Variants in ITPR1 observed in about 807,000 individuals in gnomAD.
ITPR1 encodes inositol 1,4,5-trisphosphate-gated calcium channel ITPR1.
Under a neutral mutation model 318.4 loss-of-function variants are expected in ITPR1, and 96 were observed. The ratio of observed to expected loss-of-function variants is 0.30; its 90% CI spans 0.26 to 0.36. The LOEUF (loss-of-function observed/expected upper bound fraction) is 0.36. Ranked by LOEUF, ITPR1 falls within the 10% of genes least tolerant of loss-of-function variation. The pLI is 1.00. For missense variants in ITPR1, 2,440 were observed against 3,460.2 expected (o/e 0.71, Z 7.40); for synonymous variants, 1,312 against 1,289.9 (o/e 1.02, Z -0.37).
chr3:4,753,240 G>A (rs2044683506), intron 44 of ITPR1, among the ~76,000 whole-genome samples: 1 of 152,110 alleles, frequency 6.6e-6, no homozygotes, highest in African/African-American at 2.4e-5. Flanking sequence ...TGATGGGCTT[G>A]TCATCAAGTC....
chr3:4,516,777 C>A (rs909854175), intron 3 of ITPR1, among the ~76,000 whole-genome samples, 194 bp downstream of exon 3: 3 of 152,190 alleles, frequency 2.0e-5, no homozygotes, highest in African/African-American at 7.2e-5. Flanking sequence ...CTGTATATTT[C>A]TGAAAGAGCA....
intron 44 of ITPR1, among the ~76,000 whole-genome samples, chr3:4,762,366 G>A (rs1273420917): frequency 1.3e-5 from 2 of 152,160 alleles, no homozygotes; most frequent in East Asian, 1.9e-4. Flanking sequence ...CATGAAGTAC[G>A]ATTATTGCCC....
intron 60 of ITPR1, among the ~76,000 whole-genome samples, chr3:4,834,776 C>T (rs2050773339): frequency 6.6e-6 from 1 of 152,170 alleles, no homozygotes; most frequent in Non-Finnish European, 1.5e-5. Flanking sequence ...GGTTTCTCAG[C>T]TAGTCATCTC....
intron 4 of ITPR1, among the ~76,000 whole-genome samples, chr3:4,568,846 G>C (rs995584051): frequency 5.3e-5 from 8 of 152,132 alleles, no homozygotes; most frequent in Non-Finnish European, 1.2e-4. Flanking sequence ...AATTTATAAA[G>C]AAAAGAGGTT....
chr3:4,630,890 T>G (rs1001070726), intron 5 of ITPR1, among the ~76,000 whole-genome samples: 1 of 152,184 alleles, frequency 6.6e-6, no homozygotes, highest in Non-Finnish European at 1.5e-5. Flanking sequence ...CTCAGCCCTG[T>G]CAGCATTATT....
intron 28 of ITPR1, 41 bp from the exon 29 acceptor site, chr3:4,684,240 A>G: frequency 1.5e-6 from 2 of 1,370,060 alleles, no homozygotes; most frequent in Non-Finnish European, 2.1e-6. Context: ...CAGTAGCCCA[A>G]GAGTTGTACA....
intron 52 of ITPR1, among the ~76,000 whole-genome samples, chr3:4,788,581 A>T (rs1037762951): frequency 1.3e-5 from 2 of 152,118 alleles, no homozygotes; most frequent in South Asian, 4.1e-4. Flanking sequence ...TGGATTTTAG[A>T]CTAAATCGTT....
chr3:4,542,230 A>G (rs556877556), intron 4 of ITPR1, among the ~76,000 whole-genome samples: 147 of 152,240 alleles, frequency 9.7e-4, no homozygotes, highest in African/African-American at 3.3e-3. Context: ...TACAGATCTT[A>G]TTCTATTTTC....
At chr3:4,578,491 T>TGTGTGTGC (rs1424147185) in intron 4 of ITPR1, among the ~76,000 whole-genome samples, 1 of 152,120 alleles carries the variant, frequency 6.6e-6, no homozygotes, top group African/African-American at 2.4e-5. Context: ...TGTGTGTGTG[T>TGTGTGTGC]GTGTGTGCAT....
chr3:4,827,069 A>T (rs2050127391), intron 60 of ITPR1, among the ~76,000 whole-genome samples: 1 of 152,228 alleles, frequency 6.6e-6, no homozygotes. Flanking sequence ...GAGTTTGTAC[A>T]TGCTTATTAT....
chr3:4,584,609 AG>A (rs1255338700), intron 4 of ITPR1, among the ~76,000 whole-genome samples: 5 of 149,378 alleles, frequency 3.3e-5, no homozygotes, highest in African/African-American at 1.2e-4. Flanking sequence ...GTTTGGAGGG[AG>A]GGGGCCGAAG....
intron 4 of ITPR1, among the ~76,000 whole-genome samples, chr3:4,589,154 C>A (rs900580157): frequency 6.6e-6 from 1 of 152,034 alleles, no homozygotes; most frequent in African/African-American, 2.4e-5. Context: ...GAAATGCTGT[C>A]TCATTGTGTC....
intron 22 of ITPR1, 59 bp downstream of exon 22, chr3:4,674,402 T>C: frequency 7.0e-7 from 1 of 1,430,708 alleles, no homozygotes; most frequent in Non-Finnish European, 9.5e-7. Context: ...CATTTTTCTA[T>C]GGGGCAAATA....
At chr3:4,540,067 G>A (rs1018599284) in intron 4 of ITPR1, among the ~76,000 whole-genome samples, 4 of 150,036 alleles carry the variant, frequency 2.7e-5, no homozygotes, top group African/African-American at 9.8e-5. Context: ...AATTCTCACT[G>A]TGACAGTAGG....
chr3:4,829,976 T>G (rs1215819683), intron 60 of ITPR1, among the ~76,000 whole-genome samples: 5 of 113,888 alleles, frequency 4.4e-5, no homozygotes, highest in Admixed American at 1.9e-4. Context: ...TTTTTTTTTT[T>G]TTTGTGTGTG....
chr3:4,669,564 T>C lies in ITPR1; in HGVS notation c.1887-90T>C, dbSNP rs547959680. ...GCTGACATGTCTTGGTAAAGGTATG[T>C]TGGACCTGTGCACTTAAGGAAGAAT... On this transcript the variant is annotated intron_variant, in intron 18 of 61. Transcript: ENST00000649015. 1.3e-3 allele frequency: 1,760 copies of C among 1,303,774 alleles called. 1 individual carries two copies. Among genetic ancestry groups the C allele is most frequent in the Non-Finnish European group, 1.5e-3 (1,420 of 954,680 alleles). 80.8% of individuals were successfully genotyped at this position (1,303,774 alleles called of 1,614,324 possible).
At chr3:4,843,219 G>A (rs1364833693) in intron 61 of ITPR1, among the ~76,000 whole-genome samples, 1 of 151,818 alleles carries the variant, frequency 6.6e-6, no homozygotes, top group Admixed American at 6.6e-5. Flanking sequence ...CAGCCATTCT[G>A]TCTAAAAGGC....
At chr3:4,667,276 C>T (rs914207060) in intron 17 of ITPR1, 101 bp from the exon 18 acceptor site, 44 of 849,860 alleles carry the variant, frequency 5.2e-5, no homozygotes, top group Non-Finnish European at 7.9e-5. Context: ...CTCTTAGGGG[C>T]AGTAGTTCTC....
rs755837192 is a variant in ITPR1, at chr3:4,658,143, C to A, written c.1016C>A (p.Ala339Asp). Reference protein sequence around the residue: ...FQPSVDPDQDASRSRLRNAQE... With the variant: ...FQPSVDPDQDDSRSRLRNAQE... ...CCTCAGGTGGACCCTGATCAGGACG[C>A]CTCTCGAAGTAGGTTGCGGAATGCC... Residue 339 changes from alanine to aspartate, a missense_variant, in exon 13 of 62, where the codon GCC (alanine) becomes GAC (aspartate). Ala to Asp is a moderately radical substitution (Grantham distance 126). Transcript: ENST00000649015. The A allele has an allele frequency of 6.2e-6, 10 of 1,612,928 alleles. No homozygotes were observed. In the Admixed American group the frequency reaches 1.7e-4, roughly 27 times the overall value.
Sources: gnomAD v4.1 joint callset for allele counts (sites outside exome capture counted in the v4.1 genomes callset) on GRCh38, gnomAD v4.1.1 for gene constraint, MANE v1.5 for transcripts, NCBI Gene and HGNC (gene_info 2026-07-23, HGNC 2026-07-21) for gene names.